The following RTN1 variants were observed in gnomAD, a reference collection of about 807,000 sequenced individuals.
The protein encoded by RTN1 is reticulon 1, also known as reticulon-1.
In RTN1, 25 loss-of-function variants were observed where a neutral mutation model predicts 65.5. That is an observed-to-expected ratio of 0.38 (90% confidence interval 0.28 to 0.53). The LOEUF (loss-of-function observed/expected upper bound fraction) is 0.53, where lower values mean the gene tolerates loss of function less well. Among genes scored for constraint, RTN1 ranks in the 20% least tolerant of loss-of-function variants. RTN1 has a pLI of 0.79. For synonymous variants in RTN1, 471 were observed against 447.6 expected, an observed-to-expected ratio of 1.05 and a Z score of -0.66; for missense variants, 983 against 1,025.4, an observed-to-expected ratio of 0.96 and a Z score of 0.57.
intron 8 of RTN1, among the ~76,000 whole-genome samples, chr14:59,599,601 T>C (rs1881516176): frequency 2.0e-5 from 3 of 152,202 alleles, no homozygotes; most frequent in African/African-American, 2.4e-5. Flanking sequence ...TCTCCATTTT[T>C]TTCCACAAGG....
intron 1 of RTN1, among the ~76,000 whole-genome samples, chr14:59,865,823 G>A (rs1347656241): frequency 1.3e-5 from 2 of 152,078 alleles, no homozygotes; most frequent in Non-Finnish European, 1.5e-5. Flanking sequence ...TCTAATTGTT[G>A]AATAAAATCA....
chr14:59,706,441 T>C (rs1274292439), intron 3 of RTN1, among the ~76,000 whole-genome samples: 1 of 152,242 alleles, frequency 6.6e-6, no homozygotes, highest in African/African-American at 2.4e-5. Flanking sequence ...TGTAATGCCT[T>C]TTCTCCTGTT....
chr14:59,797,034 C>G (rs1886453030), intron 1 of RTN1, among the ~76,000 whole-genome samples: 1 of 152,154 alleles, frequency 6.6e-6, no homozygotes, highest in Admixed American at 6.5e-5. Context: ...ATAACTTAGT[C>G]AAATTCCAAG....
chr14:59,847,373 T>C (rs1304254505), intron 1 of RTN1, among the ~76,000 whole-genome samples: 1 of 152,216 alleles, frequency 6.6e-6, no homozygotes, highest in Non-Finnish European at 1.5e-5. Context: ...ACCAATAGTA[T>C]TTTAAAGTAC....
Position 59,766,316 on chromosome 14 carries a change from G to A in RTN1, c.242-19835C>T, listed in dbSNP as rs1486715713. Among the ~76,000 whole-genome samples the A allele has an allele frequency of 6.6e-6, 1 of 152,128 alleles. No individual in the cohort carries two copies. Among genetic ancestry groups the A allele is most frequent in the Non-Finnish European group, 1.5e-5 (1 of 68,030 alleles). On this transcript the variant is annotated intron_variant, in intron 1 of 8. Coordinates refer to ENST00000267484, the MANE Select transcript of RTN1 (RefSeq NM_021136.3). This position sits in a 1 kb window ranked among gnomAD's most constrained non-coding sequence, Gnocchi z 4.4. ...TCGAAATAAATGCTTACTGAAAAGA[G>A]CAGCTGGATAGAAAACAGAGAATTA...
At chr14:59,735,876 A>C (rs1370510095) in intron 2 of RTN1, among the ~76,000 whole-genome samples, 2 of 152,112 alleles carry the variant, frequency 1.3e-5, no homozygotes, top group Non-Finnish European at 2.9e-5. Flanking sequence ...TTAGAACTCA[A>C]GATTAAGAAA....
In RTN1 at chr14:59,680,741, A is replaced by G. The variant is rs1431124253; in HGVS notation, c.1765+46178T>C. ...GAAATGAACACAAAGCCTTATAAAC[A>G]AAGATACTCAATGGAGTGGTATTTA... is the stretch of plus-strand genomic sequence containing the variant. On this transcript the variant is annotated intron_variant, in intron 3 of 8. Transcript: ENST00000267484. 2.0e-5 allele frequency among the ~76,000 whole-genome samples: 3 copies of G among 152,348 alleles called. No individual in the cohort carries two copies. The East Asian group carries it at 5.8e-4, about 29-fold the overall frequency.
intron 3 of RTN1, among the ~76,000 whole-genome samples, chr14:59,641,178 G>A (rs1245451104): frequency 6.6e-6 from 1 of 152,054 alleles, no homozygotes; most frequent in Non-Finnish European, 1.5e-5. Flanking sequence ...ATGTTACCCA[G>A]GCTGGTCTTG....
intron 3 of RTN1, among the ~76,000 whole-genome samples, chr14:59,694,742 A>G (rs768609757): frequency 1.3e-5 from 2 of 152,236 alleles, no homozygotes; most frequent in Non-Finnish European, 2.9e-5. Flanking sequence ...GGATGTGGAA[A>G]TAACTGGTTA....
chr14:59,756,834 TTTTTTTG>T (rs1466874587), intron 1 of RTN1, among the ~76,000 whole-genome samples: 38 of 105,026 alleles, frequency 3.6e-4, no homozygotes, highest in African/African-American at 1.6e-3. Flanking sequence ...CCATAATTCT[TTTTTTTG>T]TTTTTTTTTT....
At position 59,727,284 on chromosome 14, in the gene RTN1, A is replaced by T; in HGVS notation, c.1400T>A (p.Ile467Asn). ...EREAELDSEL[I>N]IESCDASSAS... ...CGAGGAGGCGTCGCACGACTCGATGATGAGCTCGCTGTCCAGCTCGGCCTC... is the reference window on the plus strand; with the variant it reads ...CGAGGAGGCGTCGCACGACTCGATGTTGAGCTCGCTGTCCAGCTCGGCCTC... Residue 467 changes from isoleucine (I) to asparagine (N), a missense_variant, in exon 3 of 9, where the codon ATC becomes AAC. Coordinates refer to ENST00000267484, the MANE Select transcript of RTN1 (RefSeq NM_021136.3). This position sits in a 1 kb window ranked among gnomAD's most constrained non-coding sequence, Gnocchi z 4.2. The T allele has an allele frequency of 6.7e-7, 1 of 1,503,004 alleles. No individual in the cohort carries two copies. The highest frequency in any genetic ancestry group is 8.9e-7 in the Non-Finnish European group (1 of 1,125,178). 93.1% of individuals were successfully genotyped at this position (1,503,004 alleles called of 1,614,324 possible). A position where few individuals can be genotyped will look rare whatever the true frequency, so the allele number is the denominator to read the frequency against.
At chr14:59,795,655 C>G (rs756838011) in intron 1 of RTN1, among the ~76,000 whole-genome samples, 7 of 152,172 alleles carry the variant, frequency 4.6e-5, no homozygotes, top group Admixed American at 1.3e-4. Context: ...GCATTCACCT[C>G]TAGAGTTTTA....
At chr14:59,835,915 A>G (rs1486893294) in intron 1 of RTN1, among the ~76,000 whole-genome samples, 1 of 151,946 alleles carries the variant, frequency 6.6e-6, no homozygotes, top group Non-Finnish European at 1.5e-5. Context: ...AAAGTCTGAC[A>G]TGGGTCTCAC....
intron 3 of RTN1, chr14:59,610,251 A>G: frequency 1.5e-6 from 1 of 684,442 alleles, no homozygotes; most frequent in South Asian, 1.6e-5. Flanking sequence ...AGAAAGCATT[A>G]GCTAAGTAAC....
At chr14:59,839,400 T>A (rs1887270255) in intron 1 of RTN1, among the ~76,000 whole-genome samples, 2 of 152,174 alleles carry the variant, frequency 1.3e-5, no homozygotes, top group African/African-American at 4.8e-5. Flanking sequence ...TACTACTGTA[T>A]AATCATTGTT....
intron 3 of RTN1, among the ~76,000 whole-genome samples, chr14:59,637,583 G>T (rs549218614): frequency 1.3e-5 from 2 of 151,756 alleles, no homozygotes; most frequent in African/African-American, 4.8e-5. Context: ...GTGGTGGTGC[G>T]TGCCTGTAGT....
chr14:59,768,165 T>C (rs1473385273), intron 1 of RTN1, among the ~76,000 whole-genome samples: 2 of 152,196 alleles, frequency 1.3e-5, no homozygotes, highest in Admixed American at 1.3e-4. Flanking sequence ...TGGGAGATAC[T>C]TGAGGGAAAG....
intron 1 of RTN1, among the ~76,000 whole-genome samples, chr14:59,812,745 T>A (rs1241397324): frequency 6.6e-6 from 1 of 152,216 alleles, no homozygotes; most frequent in Non-Finnish European, 1.5e-5. Context: ...CCCTAGTATA[T>A]CAAATGCATT....
At chr14:59,607,190 G>T (rs1374048471) in intron 4 of RTN1, 95 bp downstream of exon 4, 1 of 1,093,922 alleles carries the variant, frequency 9.1e-7, no homozygotes, top group Non-Finnish European at 1.3e-6. Flanking sequence ...TTGGGTCTCA[G>T]AGAAACATGA....
Sources: gnomAD v4.1 joint callset for allele counts (sites outside exome capture counted in the v4.1 genomes callset) on GRCh38, gnomAD v4.1.1 for gene constraint, Gnocchi (gnomAD v3.1) non-coding constraint, MANE v1.5 for transcripts, NCBI Gene and HGNC (gene_info 2026-07-23, HGNC 2026-07-21) for gene names.